The following PRRC2B variants were observed in gnomAD, a reference collection of about 807,000 sequenced individuals.
The protein encoded by PRRC2B is protein PRRC2B.
A neutral mutation model predicts 242.3 loss-of-function variants in PRRC2B; 68 were observed. The ratio of observed to expected loss-of-function variants is 0.28; its 90% CI spans 0.23 to 0.34. The LOEUF (loss-of-function observed/expected upper bound fraction) is 0.34, where lower values mean the gene tolerates loss of function less well. Among genes scored for constraint, PRRC2B ranks in the 10% least tolerant of loss-of-function variants. The pLI is 1.00. For synonymous variants in PRRC2B, 1,228 were observed against 1,173.6 expected (o/e 1.05, Z -0.95); for missense variants, 2,835 against 2,954.8 (o/e 0.96, Z 0.94).
chr9:131,435,307 G>GA (rs770469458), intron 3 of PRRC2B, among the ~76,000 whole-genome samples: 7,356 of 126,642 alleles, frequency 0.058, 269 homozygotes, highest in Admixed American at 0.13. Context: ...CGAAAAAAAA[G>GA]AAAAGAAAAA....
At chr9:131,374,759 T>G (rs978295173) in intron 1 of PRRC2B, among the ~76,000 whole-genome samples, 1 of 152,126 alleles carries the variant, frequency 6.6e-6, no homozygotes, top group African/African-American at 2.4e-5. Flanking sequence ...ACTCCTGACC[T>G]CAGGTGATCT....
At chr9:131,433,588 T>C in intron 3 of PRRC2B, among the ~76,000 whole-genome samples, 1 of 152,210 alleles carries the variant, frequency 6.6e-6, no homozygotes, top group East Asian at 1.9e-4. Flanking sequence ...GACAGGGCCT[T>C]GCTGAGGCTG....
Position 131,474,881 on chromosome 9 carries a change from T to C in PRRC2B, c.2752T>C (p.Trp918Arg), listed in dbSNP as rs772961049. 2.5e-6 allele frequency: 4 copies of C among 1,599,788 alleles called. No individual in the cohort carries two copies. Among genetic ancestry groups the C allele is most frequent in the Non-Finnish European group, 3.4e-6 (4 of 1,174,016 alleles). ...PNKQPSSEPEWTPEPRSSSSQ... is the reference protein window; with the variant it reads ...PNKQPSSEPERTPEPRSSSSQ... ...CAAACAGCCATCCTCGGAGCCTGAA[T>C]GGACTCCCGAGCCCCGGAGCTCCAG... Residue 918 changes from tryptophan (W) to arginine (R), a missense_variant, in exon 16 of 32, where the codon TGG (tryptophan) becomes CGG (arginine). Transcript: ENST00000683519.
intron 1 of PRRC2B, among the ~76,000 whole-genome samples, chr9:131,413,528 A>G (rs1432920831): frequency 6.6e-6 from 1 of 152,188 alleles, no homozygotes; most frequent in Non-Finnish European, 1.5e-5. Flanking sequence ...GGCATGCACC[A>G]ACACACCCAG....
chr9:131,444,470 T>C, intron 6 of PRRC2B, 142 bp downstream of exon 6: 1 of 904,248 alleles, frequency 1.1e-6, no homozygotes, highest in Admixed American at 2.7e-5. Flanking sequence ...CCACGTGATC[T>C]GTGCATCCAT....
At chr9:131,395,014 C>A (rs1427355676) in intron 1 of PRRC2B, among the ~76,000 whole-genome samples, 2 of 151,102 alleles carry the variant, frequency 1.3e-5, no homozygotes, top group Non-Finnish European at 2.9e-5. Context: ...GAGAGAAATT[C>A]AGCCCTGTTG....
At chr9:131,459,378 C>G (rs997010345) in intron 11 of PRRC2B, 22 bp downstream of exon 11, 2 of 1,598,338 alleles carry the variant, frequency 1.3e-6, no homozygotes, top group African/African-American at 1.3e-5. Context: ...CCTTGGCTGT[C>G]CTGTGTATTT....
intron 1 of PRRC2B, among the ~76,000 whole-genome samples, chr9:131,420,497 T>TCTCTCTTTCTCTCTTTCTCTC (rs72209206): frequency 3.0e-4 from 5 of 16,464 alleles, no homozygotes; most frequent in Admixed American, 1.1e-3. Flanking sequence ...TTCTTTCTTT[T>TCTCTCTTTCTCTCTTTCTCTC]TTTTTTTTTT....
intron 1 of PRRC2B, among the ~76,000 whole-genome samples, chr9:131,380,193 C>T (rs1312112252): frequency 6.6e-6 from 1 of 151,306 alleles, no homozygotes; most frequent in Non-Finnish European, 1.5e-5. Context: ...GAGTTGGAGG[C>T]TGCAGTGAGC....
intron 11 of PRRC2B, 41 bp downstream of exon 11, chr9:131,459,397 T>C: frequency 6.5e-7 from 1 of 1,532,090 alleles, no homozygotes; most frequent in Non-Finnish European, 8.9e-7. Flanking sequence ...TTGTACTTCA[T>C]TGAGTTGGGT....
chr9:131,462,449 G>A (rs184500919), intron 11 of PRRC2B, among the ~76,000 whole-genome samples: 175 of 151,830 alleles, frequency 1.2e-3, no homozygotes, highest in African/African-American at 3.7e-3. Flanking sequence ...CTGACCTCAG[G>A]TGATCCACCT....
intron 11 of PRRC2B, among the ~76,000 whole-genome samples, chr9:131,464,560 G>A (rs1943337441): frequency 6.6e-6 from 1 of 152,222 alleles, no homozygotes; most frequent in African/African-American, 2.4e-5. Context: ...GAGATATGGA[G>A]AGTTGGCACT....
chr9:131,420,499 T>TCTTTCTTTCTTTC (rs889470295), intron 1 of PRRC2B, among the ~76,000 whole-genome samples: 72 of 84,456 alleles, frequency 8.5e-4, no homozygotes, highest in Non-Finnish European at 1.2e-3. Flanking sequence ...CTTTCTTTTT[T>TCTTTCTTTCTTTC]TTTTTTTTTT....
rs1379703906 is a variant in PRRC2B at position 131,440,884 on chromosome 9, GAGTCCGGT to G, written c.469+1827_469+1834del. Reference sequence around the variant, plus strand: ...GGAGGCTGAGGCAGAAGGATTGCTTGAGTCCGGTAGTTCGAGACCAGCCTGGGCAACAT... The same window carrying G: ...GGAGGCTGAGGCAGAAGGATTGCTTGAGTTCGAGACCAGCCTGGGCAACAT... On this transcript the variant is annotated intron_variant, in intron 5 of 31. Transcript: ENST00000683519. Among the ~76,000 whole-genome samples, 3 of 152,322 alleles carry G rather than the reference GAGTCCGGT, an allele frequency of 2.0e-5. No homozygotes were observed. In the East Asian group the frequency reaches 5.8e-4, roughly 29 times the overall value.
rs975897331 is a variant in PRRC2B at position 131,455,056 on chromosome 9, G to T, written c.1121-20G>T. On this transcript the variant is annotated intron_variant, in intron 9 of 31. Transcript: ENST00000683519. Reference sequence around the variant, plus strand: ...TTTTTCATTCTTTCTCATTCTTCCTGGGCCCTCCTGCTGTTGTAGGCCTCC... The same window carrying T: ...TTTTTCATTCTTTCTCATTCTTCCTTGGCCCTCCTGCTGTTGTAGGCCTCC... 2 of 1,591,436 alleles carry T rather than the reference G, an allele frequency of 1.3e-6. No individual in the cohort carries two copies. Among genetic ancestry groups the T allele is most frequent in the Admixed American group, 1.7e-5 (1 of 59,196 alleles).
intron 1 of PRRC2B, among the ~76,000 whole-genome samples, chr9:131,427,130 A>G (rs764616709): frequency 5.9e-5 from 9 of 152,166 alleles, no homozygotes; most frequent in Non-Finnish European, 1.3e-4. Context: ...CTTGATACGA[A>G]TTGCATGCGG....
At position 131,388,101 on chromosome 9, in the gene PRRC2B, C is replaced by T. The variant is rs149688254; in HGVS notation, c.-56+14370C>T. Among the ~76,000 whole-genome samples the T allele has an allele frequency of 2.2e-4, 33 of 149,182 alleles. 3 individuals are homozygous for T. Among genetic ancestry groups the T allele is most frequent in the African/African-American group, 7.8e-4 (32 of 40,940 alleles). ...GGCTGAGGCATGAGAATCATTTGAA[C>T]GCATTGTGGGCGGGGGGCCGAGGTT... On this transcript the variant is annotated intron_variant, in intron 1 of 1. Coordinates refer to the PRRC2B transcript ENST00000682525.
At chr9:131,481,671 ACT>A (rs1943873132) in intron 19 of PRRC2B, 53 bp from the exon 20 acceptor site, 1 of 1,385,944 alleles carries the variant, frequency 7.2e-7, no homozygotes, top group Non-Finnish European at 1.0e-6. Flanking sequence ...GAGCTCATAA[ACT>A]CTCTAGACGG....
chr9:131,489,128 A>G (rs1219636461), intron 28 of PRRC2B, among the ~76,000 whole-genome samples: 1 of 150,428 alleles, frequency 6.6e-6, no homozygotes, highest in Non-Finnish European at 1.5e-5. Flanking sequence ...TGTCCCTCTC[A>G]GTTGTCACCT....
Sources: gnomAD v4.1 joint callset for allele counts (sites outside exome capture counted in the v4.1 genomes callset) on GRCh38, gnomAD v4.1.1 for gene constraint, MANE v1.5 for transcripts, NCBI Gene and HGNC (gene_info 2026-07-23, HGNC 2026-07-21) for gene names.